Variants in MAP1S observed in about 807,000 individuals in gnomAD.
MAP1S encodes the protein microtubule-associated protein 1S.
MAP1S carries 27 observed loss-of-function variants against 60.9 expected under a neutral mutation model. The ratio of observed to expected loss-of-function variants is 0.44; its 90% CI spans 0.33 to 0.61. The LOEUF (loss-of-function observed/expected upper bound fraction) is 0.61, where lower values mean the gene tolerates loss of function less well. Among genes scored for constraint, MAP1S ranks in the 20% least tolerant of loss-of-function variants. MAP1S has a pLI of 0.03. For synonymous variants in MAP1S, 826 were observed against 694.2 expected, an observed-to-expected ratio of 1.19 and a Z score of -2.98; for missense variants, 1,608 against 1,486.6, an observed-to-expected ratio of 1.08 and a Z score of -1.34.
intron 2 of MAP1S, among the ~76,000 whole-genome samples, chr19:17,722,748 CAAAA>C (rs1419245824): frequency 6.2e-5 from 5 of 81,136 alleles, no homozygotes; most frequent in Admixed American, 2.0e-4. Context: ...GATTCCATCT[CAAAA>C]AAGAGAGAGA....
chr19:17,720,473 C>T, intron 1 of MAP1S: 2 of 1,529,112 alleles, frequency 1.3e-6, no homozygotes, highest in Non-Finnish European at 1.7e-6. Context: ...GGAGATGGAA[C>T]AAGCTTCCAG....
At chr19:17,728,194 C>G (rs749168839) in intron 5 of MAP1S, 22 bp downstream of exon 5, 2 of 1,545,028 alleles carry the variant, frequency 1.3e-6, no homozygotes, top group Non-Finnish European at 1.7e-6. Flanking sequence ...AGCTGGGGCC[C>G]TGGGCTGGGT....
At chr19:17,721,384 C>T (rs1003651566) in intron 2 of MAP1S, 1 of 361,710 alleles carries the variant, frequency 2.8e-6, no homozygotes, top group African/African-American at 2.1e-5. Context: ...GTGGACAGAA[C>T]ATCTAGAATG....
In MAP1S at chr19:17,733,211, C is replaced by G. The variant is rs562272781; in HGVS notation, c.2807C>G (p.Pro936Arg). The G allele has an allele frequency of 1.2e-5, 19 of 1,542,954 alleles. No individual in the cohort carries two copies. In the East Asian group the frequency reaches 4.7e-4, roughly 38 times the overall value. Residue 936 changes from proline (P) to arginine (R), a missense_variant, in exon 6 of 7, where the codon CCC becomes CGC. Pro to Arg is a moderately radical substitution (Grantham distance 103, BLOSUM62 -2). This residue lies in a region of MAP1S where 1,167 missense variants were observed against 961.4 expected (regional missense o/e 1.21). Coordinates refer to ENST00000324096, the MANE Select transcript of MAP1S (RefSeq NM_018174.6). ...RGPSGSASSR[P>R]GVSATPPKSP... ...CCCGCAGGGTCAGCCAGCAGCCGGC[C>G]CGGGGTGTCAGCCACCCCACCCAAG... is the stretch of plus-strand genomic sequence containing the variant.
At chr19:17,721,108 A>C (rs1291682115) in intron 2 of MAP1S, 71 bp downstream of exon 2, 5 of 1,211,134 alleles carry the variant, frequency 4.1e-6, no homozygotes, top group Non-Finnish European at 6.2e-6. Flanking sequence ...TGTGCCAGGC[A>C]TGGGGGGTGG....
chr19:17,726,599 C>A lies in MAP1S; in HGVS notation c.1215C>A (p.Ala405=). 1 of 1,570,802 alleles carries A rather than the reference C, an allele frequency of 6.4e-7. No individual in the cohort carries two copies. The highest frequency in any genetic ancestry group is 8.6e-7 in the Non-Finnish European group (1 of 1,163,014). ...MYVLHPPSAG[A]ERTLASVCAL... is the part of the protein sequence containing the mutation. ...TGCTGCACCCGCCCTCCGCCGGCGCCGAGCGCACGCTGGCCTCTGTGTGCG... is the reference window on the plus strand; with the variant it reads ...TGCTGCACCCGCCCTCCGCCGGCGCAGAGCGCACGCTGGCCTCTGTGTGCG... Residue 405 remains alanine (A), a synonymous_variant, in exon 5 of 7, where the codon GCC becomes GCA. Transcript: ENST00000324096.
chr19:17,724,195 C>G lies in MAP1S; in HGVS notation c.290C>G (p.Ser97Cys). ...TLVLLNPSDK[S>C]LYDELRNLLL... ...GTCCTCCTGAACCCATCAGACAAGT[C>G]CCTGTATGATGAGGTAGGGAATGGC... The change falls in exon 3 of 7, where the codon TCC becomes TGC. Residue 97 changes from serine (S) to cysteine (C), a missense_variant. Around this residue, in one of 4 missense-constraint regions of MAP1S, gnomAD observed 320 missense variants for 393.1 expected, o/e 0.81. Transcript: ENST00000324096. The G allele has an allele frequency of 6.2e-7, 1 of 1,613,748 alleles. No individual in the cohort carries two copies. Among genetic ancestry groups the G allele is most frequent in the Non-Finnish European group, 8.5e-7 (1 of 1,179,814 alleles).
Position 17,727,648 on chromosome 19 carries a change from C to CATT in MAP1S, c.2264_2265insATT (p.Pro755_Ala756insLeu). On this transcript the variant is annotated inframe_insertion, in exon 5 of 7. Transcript: ENST00000324096. The surrounding 1 kb of genome is among the most constrained non-coding windows in gnomAD (Gnocchi z 4.1). Reference sequence around the variant, plus strand: ...CATCGCAAGGCGGTGCCAATGGCACCGGCACCTGCGTCCCCCGGCAGCTCG... The same window carrying CATT: ...CATCGCAAGGCGGTGCCAATGGCACCATTGGCACCTGCGTCCCCCGGCAGCTCG... 1 of 1,608,388 alleles carries CATT rather than the reference C, an allele frequency of 6.2e-7. No individual in the cohort carries two copies. The highest frequency in any genetic ancestry group is 1.1e-5 in the South Asian group (1 of 91,016).
chr19:17,727,296 A>T lies in MAP1S; in HGVS notation c.1912A>T (p.Thr638Ser). 2 of 1,590,350 alleles carry T rather than the reference A, an allele frequency of 1.3e-6. No homozygotes were observed. The highest frequency in any genetic ancestry group is 1.7e-6 in the Non-Finnish European group (2 of 1,173,572). ...CGCCAGCTCAATCCCAAGGCCACGC[A>T]CACCCTCCCCTGAGTCCCACCGGAG... ...LAASSIPRPR[T>S]PSPESHRSPA... The change falls in exon 5 of 7, where the codon ACA becomes TCA. Residue 638 changes from threonine to serine, a missense_variant. Physicochemically the swap from Thr to Ser is moderately conservative, Grantham distance 58. Coordinates refer to ENST00000324096, the MANE Select transcript of MAP1S (RefSeq NM_018174.6). The surrounding 1 kb of genome is among the most constrained non-coding windows in gnomAD (Gnocchi z 4.1).
Position 17,727,079 on chromosome 19 carries a change from G to A in MAP1S, c.1695G>A (p.Ala565=), listed in dbSNP as rs567093986. 9.3e-5 allele frequency: 150 copies of A among 1,605,840 alleles called. 2 individuals carry two copies. The Middle Eastern group carries it at 2.1e-3, about 23-fold the overall frequency. ...NAQAAPKPRK[A]PSTSHSGFPP... ...AGGCGGCACCCAAGCCCCGCAAAGC[G>A]CCCAGCACGTCCCACTCTGGCTTCC... The change falls in exon 5 of 7, where the codon GCG becomes GCA. Residue 565 remains alanine (A), a synonymous_variant. Coordinates refer to ENST00000324096, the MANE Select transcript of MAP1S (RefSeq NM_018174.6). The surrounding 1 kb of genome is among the most constrained non-coding windows in gnomAD (Gnocchi z 4.1).
Position 17,727,094 on chromosome 19 carries a change from C to G in MAP1S, c.1710C>G (p.His570Gln). 1 of 1,601,058 alleles carries G rather than the reference C, an allele frequency of 6.2e-7. No homozygotes were observed. The highest frequency in any genetic ancestry group is 8.5e-7 in the Non-Finnish European group (1 of 1,175,386). ...CCCGCAAAGCGCCCAGCACGTCCCA[C>G]TCTGGCTTCCCGCCGGTGGCAAATG... ...PKPRKAPSTS[H>Q]SGFPPVANGP... The change falls in exon 5 of 7, where the codon CAC (histidine) becomes CAG (glutamine). Residue 570 changes from histidine (H) to glutamine (Q), a missense_variant. His to Gln is a conservative substitution (Grantham distance 24). This residue lies in a region of MAP1S where 1,167 missense variants were observed against 961.4 expected (regional missense o/e 1.21). Coordinates refer to ENST00000324096, the MANE Select transcript of MAP1S (RefSeq NM_018174.6). The surrounding 1 kb of genome is among the most constrained non-coding windows in gnomAD (Gnocchi z 4.1).
rs200657883 is a variant in MAP1S at position 17,727,183 on chromosome 19, C to T, written c.1799C>T (p.Ser600Phe). 5.8e-5 allele frequency: 92 copies of T among 1,578,362 alleles called. No individual in the cohort carries two copies. In the African/African-American group the frequency reaches 6.2e-4, roughly 11 times the overall value. ...EASPPSAACG[S>F]PASQLVATPS... is the part of the protein sequence containing the mutation. ...AGCCCCCCCAGTGCAGCCTGCGGCT[C>T]TCCGGCCTCCCAGCTGGTGGCCACG... is the stretch of plus-strand genomic sequence containing the variant. Residue 600 changes from serine (S) to phenylalanine (F), a missense_variant, in exon 5 of 7, where the codon TCT becomes TTT. Physicochemically the swap from Ser to Phe is radical, Grantham distance 155. Around this residue, in one of 4 missense-constraint regions of MAP1S, gnomAD observed 1,167 missense variants for 961.4 expected, o/e 1.21. Transcript: ENST00000324096. This position sits in a 1 kb window ranked among gnomAD's most constrained non-coding sequence, Gnocchi z 4.1.
chr19:17,730,137 C>T (rs138820177), intron 5 of MAP1S, among the ~76,000 whole-genome samples: 201 of 152,260 alleles, frequency 1.3e-3, no homozygotes, highest in African/African-American at 4.6e-3. Context: ...AACCGCCAGA[C>T]TGTTTTCCAC....
chr19:17,720,570 G>T (rs571418231), intron 1 of MAP1S: 2 of 1,394,188 alleles, frequency 1.4e-6, no homozygotes, highest in East Asian at 2.5e-5. Flanking sequence ...AGGGGGAAGG[G>T]CCCCCTGGCC....
At position 17,728,158 on chromosome 19, in the gene MAP1S, C is replaced by A; in HGVS notation, c.2774C>A (p.Thr925Asn). The change falls in exon 5 of 7, where the codon ACT (threonine) becomes AAT (asparagine). Residue 925 changes from threonine (T) to asparagine (N), a missense_variant. By Grantham distance (65) the Thr-to-Asn change is moderately conservative. This residue lies in a region of MAP1S where 1,167 missense variants were observed against 961.4 expected (regional missense o/e 1.21). Transcript: ENST00000324096. ...AAGTCCTCAACCCCCAAGACTGCCA[C>A]TCGAGGCCCGTCGGGTGAGTACTGG... Reference protein sequence around the residue: ...SRKSSTPKTATRGPSGSASSR... With the variant: ...SRKSSTPKTANRGPSGSASSR... 1 of 1,593,772 alleles carries A rather than the reference C, an allele frequency of 6.3e-7. No homozygotes were observed. The highest frequency in any genetic ancestry group is 8.6e-7 in the Non-Finnish European group (1 of 1,167,140).
At position 17,725,455 on chromosome 19, in the gene MAP1S, C is replaced by G. The variant is rs377549922; in HGVS notation, c.444+266C>G. Among the ~76,000 whole-genome samples, 2 of 152,158 alleles carry G rather than the reference C, an allele frequency of 1.3e-5. No individual in the cohort carries two copies. Among genetic ancestry groups the G allele is most frequent in the Non-Finnish European group, 2.9e-5 (2 of 68,030 alleles). On this transcript the variant is annotated intron_variant, in intron 4 of 6. Transcript: ENST00000324096. The surrounding 1 kb of genome is among the most constrained non-coding windows in gnomAD (Gnocchi z 4.2). ...AGCCAAATGGGTCCTTCCTGGTGCCCGCAGTCTGGGTAGGACACATGGGCA... is the reference window on the plus strand; with the variant it reads ...AGCCAAATGGGTCCTTCCTGGTGCCGGCAGTCTGGGTAGGACACATGGGCA...
At chr19:17,720,841 G>A in intron 1 of MAP1S, 95 bp from the exon 2 acceptor site, 1 of 930,656 alleles carries the variant, frequency 1.1e-6, no homozygotes, top group Non-Finnish European at 1.8e-6. Context: ...GGAGGAGGCT[G>A]GGGCGCTCCC....
At position 17,733,184 on chromosome 19, in the gene MAP1S, C is replaced by G; in HGVS notation, c.2789-9C>G. 6.6e-7 allele frequency: 1 copy of G among 1,522,508 alleles called. No homozygotes were observed. The highest frequency in any genetic ancestry group is 1.2e-5 in the South Asian group (1 of 81,130). The allele number at this position is 1,522,508 out of a possible 1,614,324, so 94.3% of individuals were successfully genotyped here. ...GCTCATCCCTGCCTCCCCATCCCCC[C>G]GCCCGCAGGGTCAGCCAGCAGCCGG... On this transcript the variant is annotated splice_polypyrimidine_tract_variant and intron_variant, in intron 5 of 6. Coordinates refer to ENST00000324096, the MANE Select transcript of MAP1S (RefSeq NM_018174.6).
In MAP1S at chr19:17,727,972, G is replaced by C. The variant is rs771764421; in HGVS notation, c.2588G>C (p.Arg863Pro). 5 of 1,608,222 alleles carry C rather than the reference G, an allele frequency of 3.1e-6. No homozygotes were observed. Among genetic ancestry groups the C allele is most frequent in the Middle Eastern group, 1.7e-4 (1 of 6,042 alleles). The change falls in exon 5 of 7, where the codon CGG (arginine) becomes CCG (proline). Residue 863 changes from arginine to proline, a missense_variant. Arg to Pro is a moderately radical substitution (Grantham distance 103). Transcript: ENST00000324096. This position sits in a 1 kb window ranked among gnomAD's most constrained non-coding sequence, Gnocchi z 4.1. ...CAAACGGAGAACGTCAGCCGCACCCGGAAGCCCCTGGCCCGCCCCAACTCA... is the reference window on the plus strand; with the variant it reads ...CAAACGGAGAACGTCAGCCGCACCCCGAAGCCCCTGGCCCGCCCCAACTCA... Reference protein sequence around the residue: ...ARQTENVSRTRKPLARPNSRA... With the variant: ...ARQTENVSRTPKPLARPNSRA...
Sources: gnomAD v4.1 joint callset for allele counts (sites outside exome capture counted in the v4.1 genomes callset) on GRCh38, gnomAD v4.1.1 for gene constraint, gnomAD v4.1.1 regional missense constraint, Gnocchi (gnomAD v3.1) non-coding constraint, MANE v1.5 for transcripts, NCBI Gene and HGNC (gene_info 2026-07-23, HGNC 2026-07-21) for gene names.